ESRRG: variants seen among roughly 807,000 people sequenced by gnomAD.
The protein encoded by ESRRG is estrogen related receptor gamma, also known as estrogen-related receptor gamma.
In ESRRG, 13 loss-of-function variants were observed where a neutral mutation model predicts 44.0. The ratio of observed to expected loss-of-function variants is 0.30; its 90% confidence interval spans 0.19 to 0.47. The LOEUF is 0.47. Ranked by LOEUF, ESRRG falls within the 20% of genes least tolerant of loss-of-function variation. The pLI is 1.00. For synonymous variants in ESRRG, 215 were observed against 214.6 expected, an observed-to-expected ratio of 1.00 and a Z score of -0.02; for missense variants, 395 against 580.6, an observed-to-expected ratio of 0.68 and a Z score of 3.29.
intron 1 of ESRRG, among the ~76,000 whole-genome samples, chr1:216,998,090 C>A (rs1306566995): frequency 6.6e-6 from 1 of 152,184 alleles, no homozygotes; most frequent in Non-Finnish European, 1.5e-5. Context: ...TTGGTGACAT[C>A]ATAGCTCTGG....
At chr1:217,065,229 T>C (rs539803475) in intron 1 of ESRRG, among the ~76,000 whole-genome samples, 57 of 152,252 alleles carry the variant, frequency 3.7e-4, no homozygotes, top group Non-Finnish European at 6.9e-4. Context: ...TTAGGTTTCA[T>C]ACAATAGACT....
chr1:216,896,798 A>G (rs2058475535), intron 2 of ESRRG, among the ~76,000 whole-genome samples: 1 of 152,160 alleles, frequency 6.6e-6, no homozygotes, highest in Non-Finnish European at 1.5e-5. Context: ...AATAACTATA[A>G]TCAGCCATAT....
intron 1 of ESRRG, among the ~76,000 whole-genome samples, chr1:216,947,999 A>G (rs925735998): frequency 6.6e-6 from 1 of 152,124 alleles, no homozygotes; most frequent in African/African-American, 2.4e-5. Context: ...TGAGGTCAGA[A>G]AGCCACAAGA....
chr1:216,604,698 A>C (rs1260584622), intron 3 of ESRRG, among the ~76,000 whole-genome samples: 1 of 152,180 alleles, frequency 6.6e-6, no homozygotes, highest in African/African-American at 2.4e-5. Context: ...GGATTGGGTC[A>C]CTTTCTTGAT....
At chr1:216,809,704 C>T (rs1029126614) in intron 2 of ESRRG, among the ~76,000 whole-genome samples, 2 of 152,066 alleles carry the variant, frequency 1.3e-5, no homozygotes, top group African/African-American at 4.8e-5. Context: ...CTTCACCAGC[C>T]CATCTAACAG....
intron 2 of ESRRG, among the ~76,000 whole-genome samples, chr1:216,910,121 A>G (rs1006784976): frequency 2.6e-5 from 4 of 152,176 alleles, no homozygotes; most frequent in African/African-American, 9.7e-5. Flanking sequence ...TTATATGAAT[A>G]TAAGAAAAAA....
intron 1 of ESRRG, among the ~76,000 whole-genome samples, chr1:216,996,127 G>T (rs1012985333): frequency 1.3e-5 from 2 of 152,176 alleles, no homozygotes; most frequent in East Asian, 3.9e-4. Flanking sequence ...ATCAGTGATT[G>T]CTATAAACAA....
chr1:216,514,768 A>G (rs1480458147), intron 6 of ESRRG, among the ~76,000 whole-genome samples: 1 of 152,202 alleles, frequency 6.6e-6, no homozygotes, highest in Non-Finnish European at 1.5e-5. Context: ...AGTACTGGAC[A>G]TGCCTACTGC....
intron 1 of ESRRG, among the ~76,000 whole-genome samples, chr1:216,680,595 G>A (rs797007482): frequency 2.6e-5 from 4 of 152,328 alleles, no homozygotes; most frequent in African/African-American, 9.6e-5. Flanking sequence ...CTGCCCTACT[G>A]CATCACCCAC....
chr1:216,717,597 T>A (rs2085180073), intron 1 of ESRRG, among the ~76,000 whole-genome samples: 1 of 151,742 alleles, frequency 6.6e-6, no homozygotes, highest in Non-Finnish European at 1.5e-5. Context: ...AATCTAGGAA[T>A]TTTAAAAAGA....
At chr1:216,874,067 A>AGGAAGGTC (rs1339669008) in intron 2 of ESRRG, among the ~76,000 whole-genome samples, 1 of 150,784 alleles carries the variant, frequency 6.6e-6, no homozygotes, top group East Asian at 2.0e-4. Context: ...GGAGGAAGGT[A>AGGAAGGTC]GGAAGGCCAC....
chr1:216,731,791 T>C (rs1228912676), intron 2 of ESRRG, among the ~76,000 whole-genome samples: 4 of 152,248 alleles, frequency 2.6e-5, no homozygotes, highest in Admixed American at 2.0e-4. Flanking sequence ...GGGGCTGTTA[T>C]CTCACCTACA....
intron 2 of ESRRG, among the ~76,000 whole-genome samples, chr1:216,656,438 C>T (rs1466517842): frequency 6.6e-6 from 1 of 152,136 alleles, no homozygotes; most frequent in Non-Finnish European, 1.5e-5. Flanking sequence ...AAGTCCCGGG[C>T]TCTGATTACT....
chr1:216,544,260 GAATTTCATTATATA>G (rs1355045998), intron 5 of ESRRG, among the ~76,000 whole-genome samples: 1 of 152,012 alleles, frequency 6.6e-6, no homozygotes, highest in Non-Finnish European at 1.5e-5. Flanking sequence ...TCACATAGGT[GAATTTCATTATATA>G]AAACTCCAAA....
At chr1:216,867,839 G>A (rs2096193140) in intron 2 of ESRRG, among the ~76,000 whole-genome samples, 3 of 152,028 alleles carry the variant, frequency 2.0e-5, no homozygotes, top group South Asian at 4.1e-4. Context: ...ATAGGTTAAT[G>A]TAAATATCAC....
intron 2 of ESRRG, among the ~76,000 whole-genome samples, chr1:216,749,667 T>G (rs1466852905): frequency 6.6e-6 from 1 of 152,182 alleles, no homozygotes; most frequent in Non-Finnish European, 1.5e-5. Flanking sequence ...ATGCTATTTT[T>G]AATATTATTT....
chr1:216,707,570 A>G (rs2082702172), intron 1 of ESRRG: 1 of 1,368,370 alleles, frequency 7.3e-7, no homozygotes, highest in Middle Eastern at 1.9e-4. Context: ...TAAGTCCTGA[A>G]TTTATTTTAT....
chr1:217,022,457 C>T (rs1045938391), intron 1 of ESRRG, among the ~76,000 whole-genome samples: 2 of 152,312 alleles, frequency 1.3e-5, no homozygotes, highest in African/African-American at 4.8e-5. Flanking sequence ...CGGCAAGTCG[C>T]TCATTTGCAC....
chr1:216,554,466 C>A (rs200717198), intron 5 of ESRRG, among the ~76,000 whole-genome samples: 1 of 140,548 alleles, frequency 7.1e-6, no homozygotes, highest in South Asian at 2.3e-4. Context: ...AAAAAAAAAA[C>A]AAACCAAAGA....
Sources: allele counts gnomAD v4.1 joint callset (sites outside exome capture counted in the v4.1 genomes callset), GRCh38; gene constraint gnomAD v4.1.1; transcripts MANE v1.5; gene names NCBI Gene and HGNC (gene_info 2026-07-23, HGNC 2026-07-21).